The following ATF7 variants were observed in gnomAD, a reference collection of about 807,000 sequenced individuals.
ATF7 encodes activating transcription factor 7.
Under a neutral mutation model 50.4 loss-of-function variants are expected in ATF7, and 10 were observed. The observed-to-expected ratio is 0.20, with a 90% CI of 0.12 to 0.34. ATF7 has a LOEUF of 0.34. Ranked by LOEUF, ATF7 falls within the 10% of genes least tolerant of loss-of-function variation. The pLI is 1.00. For missense variants in ATF7, 465 were observed against 613.9 expected, an observed-to-expected ratio of 0.76 and a Z score of 2.56; for synonymous variants, 201 against 226.4, an observed-to-expected ratio of 0.89 and a Z score of 1.01.
At chr12:53,571,456 C>A (rs1365770434) in intron 2 of ATF7, among the ~76,000 whole-genome samples, 1 of 151,998 alleles carries the variant, frequency 6.6e-6, no homozygotes. Flanking sequence ...CAATAGGTGA[C>A]AAACTCCAAG....
At chr12:53,509,221 C>T (rs371686013), downstream of ATF7, among the ~76,000 whole-genome samples, 2 of 152,258 alleles carry the variant, frequency 1.3e-5, no homozygotes, top group East Asian at 1.9e-4. Context: ...GTGTGCATTA[C>T]TTAACATACT....
intron 4 of ATF7, among the ~76,000 whole-genome samples, chr12:53,538,804 T>A (rs1939370464): frequency 6.6e-6 from 1 of 152,204 alleles, no homozygotes; most frequent in Non-Finnish European, 1.5e-5. Flanking sequence ...ATGTGATATC[T>A]ACTACATTAG....
intron 1 of ATF7, among the ~76,000 whole-genome samples, chr12:53,609,820 G>GTTTTTTTTT (rs1565597358): frequency 1.4e-5 from 1 of 69,926 alleles, no homozygotes; most frequent in Admixed American, 1.5e-4. Flanking sequence ...TAAATGTTAT[G>GTTTTTTTTT]CTTTTTTTTT....
At chr12:53,598,725 T>C (rs74803376) in intron 2 of ATF7, among the ~76,000 whole-genome samples, 6,008 of 152,284 alleles carry the variant, frequency 0.039, 361 homozygotes, top group African/African-American at 0.13. Context: ...GTTATTTATA[T>C]CTTTCTTCCT....
chr12:53,522,991 A>G (rs922969969), intron 11 of ATF7, among the ~76,000 whole-genome samples: 1 of 152,256 alleles, frequency 6.6e-6, no homozygotes, highest in East Asian at 1.9e-4. Context: ...TGTAGATAAT[A>G]TCCATTTCAT....
intron 1 of ATF7, among the ~76,000 whole-genome samples, chr12:53,613,781 C>T (rs969506123): frequency 1.4e-5 from 2 of 143,684 alleles, no homozygotes; most frequent in South Asian, 2.3e-4. Flanking sequence ...CCCACCTCAA[C>T]CCCCCAAAGT....
At chr12:53,528,470 T>C (rs932814559) in intron 9 of ATF7, among the ~76,000 whole-genome samples, 5 of 151,878 alleles carry the variant, frequency 3.3e-5, no homozygotes, top group Non-Finnish European at 5.9e-5. Flanking sequence ...TCTACTAAAA[T>C]ACAAAAAATT....
In ATF7 at chr12:53,554,660, C is replaced by T. The variant is rs111470210; in HGVS notation, c.49-2023G>A. The stretch of plus-strand genomic sequence containing the variant: ...GGTGGATCACTTAAGGTAAGGAGTT[C>T]GAGGCCAGCATGACCAACATGGCAA... On this transcript the variant is annotated intron_variant, in intron 2 of 11. Transcript: ENST00000420353. 8.3e-3 allele frequency among the ~76,000 whole-genome samples: 1,251 copies of T among 150,958 alleles called. 5 individuals are homozygous for T. Among genetic ancestry groups the T allele is most frequent in the Non-Finnish European group, 0.012 (799 of 67,718 alleles).
chr12:53,532,891 G>C (rs1938991505), intron 7 of ATF7, among the ~76,000 whole-genome samples: 1 of 152,166 alleles, frequency 6.6e-6, no homozygotes, highest in Non-Finnish European at 1.5e-5. Context: ...AATTTGGGAG[G>C]TGCTACGTGC....
intron 1 of ATF7, among the ~76,000 whole-genome samples, chr12:53,609,821 C>T (rs866391926): frequency 9.5e-5 from 11 of 115,930 alleles, no homozygotes; most frequent in South Asian, 5.7e-4. Context: ...AAATGTTATG[C>T]TTTTTTTTTT....
At chr12:53,621,006 AC>A (rs1481312222) in intron 1 of ATF7, among the ~76,000 whole-genome samples, 3 of 152,232 alleles carry the variant, frequency 2.0e-5, no homozygotes, top group Admixed American at 2.0e-4. Context: ...TAAACAGATC[AC>A]TTATGAACCA....
At chr12:53,525,981 C>T (rs1350397106) in intron 9 of ATF7, among the ~76,000 whole-genome samples, 1 of 152,146 alleles carries the variant, frequency 6.6e-6, no homozygotes, top group African/African-American at 2.4e-5. Flanking sequence ...GAGGCTGAGG[C>T]AGGCGGATCA....
chr12:53,601,116 T>G, intron 1 of ATF7, 95 bp from the exon 2 acceptor site: 3 of 894,020 alleles, frequency 3.4e-6, no homozygotes, highest in Non-Finnish European at 5.1e-6. Flanking sequence ...TAGAAACAGG[T>G]GTTCCACGAA....
rs1288050745 is a variant in ATF7 at position 53,516,065 on chromosome 12, G to A, written c.*1072C>T. On this transcript the variant is annotated 3_prime_UTR_variant, in exon 12 of 12. Transcript: ENST00000420353. ...CTGAGTCTGAAGTAGTTACAGAAGA[G>A]AGACAGGGGCGGTAATGTTGATAGG... The A allele has an allele frequency of 1.3e-5, 2 of 152,226 alleles. No individual in the cohort carries two copies. Among genetic ancestry groups the A allele is most frequent in the Non-Finnish European group, 2.9e-5 (2 of 68,050 alleles). 9.4% of individuals were successfully genotyped at this position (152,226 alleles called of 1,614,324 possible).
At chr12:53,559,230 CTTTTTTCTTTTT>C (rs1478087609) in intron 2 of ATF7, among the ~76,000 whole-genome samples, 21 of 119,968 alleles carry the variant, frequency 1.8e-4, no homozygotes, top group African/African-American at 5.4e-4. Context: ...TTTTCTTTTT[CTTTTTTCTTTTT>C]TTTAGAGATG....
At position 53,524,790 on chromosome 12, in the gene ATF7, T is replaced by C. The variant is rs1938345405; in HGVS notation, c.928-29A>G. 4.5e-6 allele frequency: 7 copies of C among 1,539,054 alleles called. No individual in the cohort carries two copies. The highest frequency in any genetic ancestry group is 6.1e-6 in the Non-Finnish European group (7 of 1,139,802). The stretch of plus-strand genomic sequence containing the variant: ...GTGCCCAGGAAGGAAGAGAGGTTAC[T>C]TGATGGGAACATTAATCCTTTCCAA... On this transcript the variant is annotated intron_variant, in intron 9 of 11. Coordinates refer to ENST00000420353, the MANE Select transcript of ATF7 (RefSeq NM_006856.3). This position sits in a 1 kb window ranked among gnomAD's most constrained non-coding sequence, Gnocchi z 4.6.
At chr12:53,613,609 C>G (rs745366128) in intron 1 of ATF7, among the ~76,000 whole-genome samples, 14 of 152,060 alleles carry the variant, frequency 9.2e-5, no homozygotes, top group Non-Finnish European at 1.6e-4. Context: ...CAACCTCTGT[C>G]TCCCTGGCTC....
chr12:53,582,439 C>A (rs553728448), intron 2 of ATF7, among the ~76,000 whole-genome samples: 17 of 151,570 alleles, frequency 1.1e-4, no homozygotes, highest in Non-Finnish European at 2.1e-4. Context: ...AGTTTGAGAC[C>A]AGCCTGGGGA....
At chr12:53,540,146 T>G (rs971130095) in intron 4 of ATF7, among the ~76,000 whole-genome samples, 1 of 150,594 alleles carries the variant, frequency 6.6e-6, no homozygotes, top group Non-Finnish European at 1.5e-5. Context: ...AGGTCAAGAG[T>G]TCGAGACCAG....
Sources: gnomAD v4.1 joint callset for allele counts (sites outside exome capture counted in the v4.1 genomes callset) on GRCh38, gnomAD v4.1.1 for gene constraint, Gnocchi (gnomAD v3.1) non-coding constraint, MANE v1.5 for transcripts, NCBI Gene and HGNC (gene_info 2026-07-23, HGNC 2026-07-21) for gene names.